SERPINB8: variants seen among roughly 807,000 people sequenced by gnomAD.
The protein encoded by SERPINB8 is serpin family B member 8.
SERPINB8 carries 25 observed loss-of-function variants against 35.3 expected under a neutral mutation model. The observed-to-expected ratio is 0.71, with a 90% confidence interval of 0.52 to 0.99. The LOEUF is 0.99. SERPINB8 is among the 50% of genes least tolerant of loss of function. The pLI, the probability that SERPINB8 is intolerant of heterozygous loss-of-function variation, is 0.00. For missense variants in SERPINB8, 484 were observed against 446.5 expected, an observed-to-expected ratio of 1.08 and a Z score of -0.76; for synonymous variants, 186 against 160.8, an observed-to-expected ratio of 1.16 and a Z score of -1.19.
chr18:63,992,872 C>A (rs561418027), downstream of SERPINB8, among the ~76,000 whole-genome samples: 4 of 151,872 alleles, frequency 2.6e-5, no homozygotes, highest in Non-Finnish European at 5.9e-5. Context: ...AATTGTCAGT[C>A]GGCCGTTTGG....
At chr18:64,009,329 C>A (rs2050915086), downstream of SERPINB8, among the ~76,000 whole-genome samples, 1 of 152,150 alleles carries the variant, frequency 6.6e-6, no homozygotes, top group African/African-American at 2.4e-5. Flanking sequence ...TTCTGTGGAA[C>A]TTGAAAAATG....
At chr18:63,986,307 A>T in intron 6 of SERPINB8, 1 of 1,608,920 alleles carries the variant, frequency 6.2e-7, no homozygotes, top group Admixed American at 1.7e-5. Flanking sequence ...GGACAGGCAG[A>T]GGACAAACAA....
At position 63,987,227 on chromosome 18, in the gene SERPINB8, G is replaced by T; in HGVS notation, c.1074G>T (p.Arg358Ser). The T allele has an allele frequency of 6.2e-7, 1 of 1,614,104 alleles. No homozygotes were observed. The highest frequency in any genetic ancestry group is 1.7e-5 in the Admixed American group (1 of 60,008). The change falls in exon 7 of 7, where the codon AGG becomes AGT. Residue 358 changes from arginine (R) to serine (S), a missense_variant. By Grantham distance (110) the Arg-to-Ser change is moderately radical (BLOSUM62 -1). Transcript: ENST00000397985. ...ACCACCCTTTTCTTTTCTTCATCAGGCACCACAAAACCAACTGCATCTTGT... is the reference window on the plus strand; with the variant it reads ...ACCACCCTTTTCTTTTCTTCATCAGTCACCACAAAACCAACTGCATCTTGT... Reference protein sequence around the residue: ...CADHPFLFFIRHHKTNCILFC... With the variant: ...CADHPFLFFISHHKTNCILFC...
intron 1 of SERPINB8, among the ~76,000 whole-genome samples, chr18:63,972,212 C>T (rs1242112168): frequency 6.6e-6 from 1 of 152,156 alleles, no homozygotes; most frequent in Non-Finnish European, 1.5e-5. Context: ...TGTATCACCA[C>T]CTTCCTGAGT....
chr18:64,008,544 T>A (rs10782070), downstream of SERPINB8, among the ~76,000 whole-genome samples: 10 of 151,388 alleles, frequency 6.6e-5, no homozygotes, highest in Admixed American at 3.3e-4. Flanking sequence ...CCACCATGCC[T>A]GGCCCATTAC....
At chr18:64,009,637 T>C (rs553626288), downstream of SERPINB8, among the ~76,000 whole-genome samples, 13 of 152,216 alleles carry the variant, frequency 8.5e-5, no homozygotes, top group Non-Finnish European at 1.6e-4. Context: ...TGATTTTTCT[T>C]ATGTAAAAGA....
At chr18:63,976,163 A>G (rs2050578846) in intron 1 of SERPINB8, among the ~76,000 whole-genome samples, 1 of 152,256 alleles carries the variant, frequency 6.6e-6, no homozygotes, top group East Asian at 1.9e-4. Flanking sequence ...ATAATATAAT[A>G]GAAAAAATAT....
chr18:64,013,069 T>G (rs1236920124), intron 7 of SERPINB8, among the ~76,000 whole-genome samples: 1 of 152,162 alleles, frequency 6.6e-6, no homozygotes, highest in Non-Finnish European at 1.5e-5. Flanking sequence ...TAAGAATTAC[T>G]TTCCAAAGAA....
At chr18:63,999,293 A>G (rs902660507) in intron 1 of SERPINB8, among the ~76,000 whole-genome samples, 3 of 152,172 alleles carry the variant, frequency 2.0e-5, no homozygotes, top group African/African-American at 7.2e-5. Flanking sequence ...CATGCCACTG[A>G]ATAGCATGAG....
chr18:63,992,873 G>A (rs530162580), downstream of SERPINB8, among the ~76,000 whole-genome samples: 4 of 152,106 alleles, frequency 2.6e-5, no homozygotes, highest in South Asian at 6.2e-4. Flanking sequence ...ATTGTCAGTC[G>A]GCCGTTTGGT....
chr18:64,012,528 C>T (rs1384138722), intron 7 of SERPINB8, among the ~76,000 whole-genome samples: 1 of 151,724 alleles, frequency 6.6e-6, no homozygotes, highest in East Asian at 1.9e-4. Context: ...TTCACGAACA[C>T]TATCTTGCCT....
chr18:63,994,872 G>A (rs1282190391), intron 1 of SERPINB8, among the ~76,000 whole-genome samples: 5 of 152,134 alleles, frequency 3.3e-5, no homozygotes, highest in African/African-American at 9.7e-5. Flanking sequence ...AGCTCAGTCC[G>A]TCCCAGACAC....
intron 1 of SERPINB8, among the ~76,000 whole-genome samples, chr18:64,002,819 T>C (rs2050882135): frequency 6.6e-6 from 1 of 152,084 alleles, no homozygotes; most frequent in African/African-American, 2.4e-5. Context: ...CGGTGCCGAC[T>C]CGTGCCCCAC....
chr18:63,996,504 G>GTGCCACTGT (rs2050850139), intron 1 of SERPINB8, among the ~76,000 whole-genome samples: 8 of 152,176 alleles, frequency 5.3e-5, no homozygotes, highest in Non-Finnish European at 1.2e-4. Flanking sequence ...GGAATGGGTT[G>GTGCCACTGT]CAATCCACCT....
intron 1 of SERPINB8, among the ~76,000 whole-genome samples, chr18:63,995,442 G>A (rs370604386): frequency 1.3e-5 from 2 of 152,330 alleles, no homozygotes; most frequent in South Asian, 2.1e-4. Context: ...AATGTTCTCT[G>A]GTTTAGGGTC....
downstream of SERPINB8, among the ~76,000 whole-genome samples, chr18:63,993,088 T>C (rs1391788623): frequency 6.6e-6 from 1 of 152,212 alleles, no homozygotes; most frequent in Admixed American, 6.5e-5. Flanking sequence ...GCTGAGTTGG[T>C]CATGATCCCT....
chr18:63,998,861 C>T (rs1019059796), intron 1 of SERPINB8, among the ~76,000 whole-genome samples: 1 of 152,190 alleles, frequency 6.6e-6, no homozygotes, highest in African/African-American at 2.4e-5. Flanking sequence ...AATGTCTCAA[C>T]ATTTTCCCTA....
chr18:64,004,183 T>A (rs2050889430), intron 1 of SERPINB8, among the ~76,000 whole-genome samples: 1 of 152,194 alleles, frequency 6.6e-6, no homozygotes, highest in Non-Finnish European at 1.5e-5. Flanking sequence ...TAGTGGTAAT[T>A]TTAAAGTGTT....
downstream of SERPINB8, among the ~76,000 whole-genome samples, chr18:63,992,888 A>G (rs2050831736): frequency 1.3e-5 from 2 of 152,204 alleles, no homozygotes; most frequent in African/African-American, 4.8e-5. Context: ...TTTGGTTCAC[A>G]GCAGGCTTGT....
Sources: allele counts gnomAD v4.1 joint callset (sites outside exome capture counted in the v4.1 genomes callset), GRCh38; gene constraint gnomAD v4.1.1; transcripts MANE v1.5; gene names NCBI Gene and HGNC (gene_info 2026-07-23, HGNC 2026-07-21).